Variants in ATAD1 observed in about 807,000 individuals in gnomAD.
The protein encoded by ATAD1 is outer mitochondrial transmembrane helix translocase.
ATAD1 carries 18 observed loss-of-function variants against 42.7 expected under a neutral mutation model. That is an observed-to-expected ratio of 0.42 (90% confidence interval 0.29 to 0.63). The LOEUF (loss-of-function observed/expected upper bound fraction) is 0.63. Among genes scored for constraint, ATAD1 ranks in the 20% least tolerant of loss-of-function variants. The probability of loss-of-function intolerance (pLI) is 0.19; values close to 1 mark genes in which losing one functional copy is unlikely to be tolerated. For missense variants in ATAD1, 294 were observed against 440.4 expected, an observed-to-expected ratio of 0.67 and a Z score of 2.98; for synonymous variants, 132 against 143.1, an observed-to-expected ratio of 0.92 and a Z score of 0.55.
At chr10:87,821,923 A>G (rs547562526), upstream of ATAD1, among the ~76,000 whole-genome samples, 3 of 152,292 alleles carry the variant, frequency 2.0e-5, no homozygotes, top group Non-Finnish European at 4.4e-5. Flanking sequence ...AAGACTGTAG[A>G]TGTATTTTTG....
intron 2 of ATAD1, among the ~76,000 whole-genome samples, chr10:87,795,762 G>C (rs1000133471): frequency 1.3e-4 from 20 of 152,200 alleles, no homozygotes; most frequent in African/African-American, 4.8e-4. Context: ...CAGAAATGGG[G>C]ACAAGCAGCA....
chr10:87,824,760 A>G (rs1397671700), intron 1 of ATAD1, among the ~76,000 whole-genome samples: 1 of 152,182 alleles, frequency 6.6e-6, no homozygotes, highest in African/African-American at 2.4e-5. Flanking sequence ...TGAAATGTTT[A>G]TCTTCTCTGA....
intron 6 of ATAD1, among the ~76,000 whole-genome samples, chr10:87,771,309 T>C (rs184294769): frequency 7.2e-5 from 11 of 152,278 alleles, no homozygotes; most frequent in Non-Finnish European, 1.5e-4. Flanking sequence ...CAGTTGCAAA[T>C]AGCCACTGAA....
intron 1 of ATAD1, among the ~76,000 whole-genome samples, chr10:87,833,362 GT>G (rs1018294038): frequency 6.6e-6 from 1 of 151,896 alleles, no homozygotes; most frequent in Non-Finnish European, 1.5e-5. Context: ...GTTCTAGGAG[GT>G]TTTTTTTAAA....
At chr10:87,755,579 CTGGT>C (rs1433679054) in intron 9 of ATAD1, among the ~76,000 whole-genome samples, 4 of 152,160 alleles carry the variant, frequency 2.6e-5, no homozygotes, top group South Asian at 4.1e-4. Flanking sequence ...AATTTACGAA[CTGGT>C]TGGTTATTTC....
intron 2 of ATAD1, among the ~76,000 whole-genome samples, chr10:87,810,795 T>G (rs1346856774): frequency 6.6e-6 from 1 of 152,228 alleles, no homozygotes; most frequent in African/African-American, 2.4e-5. Context: ...TGTCTTTATC[T>G]TTAGTTGAAA....
In ATAD1 at chr10:87,790,823, A is replaced by C. The variant is rs12267872; in HGVS notation, c.262-393T>G. ...ACCTATTTTATACAGGATGTTGTCA[A>C]GCATCACAGAAATTAATTTTAGAAA... On this transcript the variant is annotated intron_variant, in intron 3 of 9. Coordinates refer to ENST00000680024, the MANE Select transcript of ATAD1 (RefSeq NM_001321967.2). 2.9e-3 allele frequency among the ~76,000 whole-genome samples: 438 copies of C among 152,180 alleles called. 1 individual carries two copies. Among genetic ancestry groups the C allele is most frequent in the African/African-American group, 9.9e-3 (412 of 41,508 alleles).
At chr10:87,810,224 G>A (rs1220050558) in intron 2 of ATAD1, among the ~76,000 whole-genome samples, 1 of 150,972 alleles carries the variant, frequency 6.6e-6, no homozygotes, top group Non-Finnish European at 1.5e-5. Flanking sequence ...GATCTCTACT[G>A]TACTGCACTA....
At chr10:87,823,809 C>T (rs184880392) in intron 1 of ATAD1, among the ~76,000 whole-genome samples, 15 of 152,188 alleles carry the variant, frequency 9.9e-5, no homozygotes, top group Admixed American at 7.9e-4. Flanking sequence ...GGAAAATGCC[C>T]TTGAAAGTAT....
At chr10:87,781,233 T>C (rs924884285) in intron 5 of ATAD1, among the ~76,000 whole-genome samples, 2 of 151,858 alleles carry the variant, frequency 1.3e-5, no homozygotes, top group African/African-American at 4.8e-5. Context: ...AAAGAGCAAT[T>C]CAAAAACTAC....
At chr10:87,835,039 T>C (rs1053878196) in intron 1 of ATAD1, among the ~76,000 whole-genome samples, 1 of 152,098 alleles carries the variant, frequency 6.6e-6, no homozygotes, top group Admixed American at 6.5e-5. Context: ...CTTAGAAGTA[T>C]AATGTTTATA....
chr10:87,821,797 G>A (rs1215044409), upstream of ATAD1, among the ~76,000 whole-genome samples: 2 of 152,290 alleles, frequency 1.3e-5, no homozygotes, highest in South Asian at 2.1e-4. Flanking sequence ...TCCAGAACTG[G>A]GAGAAATAAA....
chr10:87,764,068 T>C (rs1171013590), intron 8 of ATAD1, among the ~76,000 whole-genome samples: 1 of 151,820 alleles, frequency 6.6e-6, no homozygotes, highest in Non-Finnish European at 1.5e-5. Flanking sequence ...TTAATCCTAG[T>C]GCATAAAGAC....
intron 6 of ATAD1, among the ~76,000 whole-genome samples, chr10:87,773,264 GA>G (rs1855137372): frequency 6.6e-6 from 1 of 152,042 alleles, no homozygotes; most frequent in Non-Finnish European, 1.5e-5. Flanking sequence ...CTTCATCAAT[GA>G]ATACCCTAAA....
chr10:87,775,261 A>G (rs1164836712), intron 6 of ATAD1, among the ~76,000 whole-genome samples: 21 of 151,454 alleles, frequency 1.4e-4, no homozygotes, highest in African/African-American at 4.9e-4. Context: ...TCTCTACTAA[A>G]AATACAAAAA....
intron 5 of ATAD1, among the ~76,000 whole-genome samples, chr10:87,781,491 A>G (rs1392876153): frequency 6.6e-6 from 1 of 152,236 alleles, no homozygotes. Flanking sequence ...TACCAACAAG[A>G]AACTTAAAAT....
At chr10:87,840,688 T>G (rs1363856457) in intron 1 of ATAD1, among the ~76,000 whole-genome samples, 1 of 152,210 alleles carries the variant, frequency 6.6e-6, no homozygotes, top group East Asian at 1.9e-4. Flanking sequence ...AACAGAATAT[T>G]TCTTAAGTTT....
chr10:87,827,122 A>G (rs1857744810), intron 1 of ATAD1, among the ~76,000 whole-genome samples: 1 of 152,266 alleles, frequency 6.6e-6, no homozygotes, highest in South Asian at 2.1e-4. Flanking sequence ...TGCAGGATGC[A>G]GATTATGGCT....
chr10:87,752,171 C>T lies in ATAD1; in HGVS notation c.*2516G>A, dbSNP rs550773054. ...AGGAGATACTAAATTGATTCAAATA[C>T]TTCATTTCTAAACTCTACAAAAAAG... On this transcript the variant is annotated 3_prime_UTR_variant, in exon 10 of 10. Coordinates refer to ENST00000680024, the MANE Select transcript of ATAD1 (RefSeq NM_001321967.2). 1 of 141,056 alleles carries T rather than the reference C, an allele frequency of 7.1e-6. No individual in the cohort carries two copies. Among genetic ancestry groups the T allele is most frequent in the African/African-American group, 2.8e-5 (1 of 35,700 alleles). 8.7% of individuals were successfully genotyped at this position (141,056 alleles called of 1,614,324 possible).
Sources: gnomAD v4.1 joint callset for allele counts (sites outside exome capture counted in the v4.1 genomes callset) on GRCh38, gnomAD v4.1.1 for gene constraint, MANE v1.5 for transcripts, NCBI Gene and HGNC (gene_info 2026-07-23, HGNC 2026-07-21) for gene names.